Variants in SERBP1 observed in about 807,000 individuals in gnomAD.
SERBP1 encodes the protein SERPINE1 mRNA-binding protein 1.
In SERBP1, 6 loss-of-function variants were observed where a neutral mutation model predicts 50.2. That is an observed-to-expected ratio of 0.12 (90% CI 0.07 to 0.24). The LOEUF (loss-of-function observed/expected upper bound fraction) is 0.24. SERBP1 is among the 10% of genes least tolerant of loss of function. The probability of loss-of-function intolerance (pLI) is 1.00; values close to 1 mark genes in which losing one functional copy is unlikely to be tolerated. For missense variants in SERBP1, 346 were observed against 524.9 expected, an observed-to-expected ratio of 0.66 and a Z score of 3.33; for synonymous variants, 168 against 182.8, an observed-to-expected ratio of 0.92 and a Z score of 0.65.
In SERBP1 at chr1:67,426,191, T is replaced by C. The variant is rs1667371068; in HGVS notation, c.408A>G (p.Arg136=). The C allele has an allele frequency of 6.2e-7, 1 of 1,609,270 alleles. No individual in the cohort carries two copies. The highest frequency in any genetic ancestry group is 1.1e-5 in the South Asian group (1 of 90,084). The change falls in exon 2 of 8, where the codon CGA becomes CGG. Residue 136 remains arginine, a synonymous_variant. Coordinates refer to ENST00000361219, the MANE Select transcript of SERBP1 (RefSeq NM_001018069.2). The part of the protein sequence containing the change: ...RRPERRPPRE[R]RFEKPLEEKG... ...TTTCTTCAAGTGGCTTTTCGAATCT[T>C]CGTTCACGAGGTGGTCGCCTTTCTG...
At chr1:67,419,026 C>T (rs1292837624) in intron 6 of SERBP1, among the ~76,000 whole-genome samples, 1 of 152,290 alleles carries the variant, frequency 6.6e-6, no homozygotes, top group South Asian at 2.1e-4. Context: ...TCTAAGAACA[C>T]ACCCCAAAGC....
intron 4 of SERBP1, 85 bp from the exon 5 acceptor site, chr1:67,424,362 T>A: frequency 1.3e-6 from 2 of 1,540,124 alleles, no homozygotes; most frequent in Non-Finnish European, 1.7e-6. Flanking sequence ...TAGGTCCATT[T>A]ACATGTAGCT....
chr1:67,419,796 A>G (rs924940980), intron 6 of SERBP1: 8 of 544,762 alleles, frequency 1.5e-5, no homozygotes, highest in South Asian at 9.3e-5. Context: ...ACTCTACCAC[A>G]TAAAACATAA....
chr1:67,426,948 C>A (rs1667405556), intron 1 of SERBP1, among the ~76,000 whole-genome samples: 1 of 152,134 alleles, frequency 6.6e-6, no homozygotes, highest in Non-Finnish European at 1.5e-5. Flanking sequence ...ATCTTTTGGT[C>A]TTCTTAGCTA....
At chr1:67,427,999 A>C (rs1667444471) in intron 1 of SERBP1, among the ~76,000 whole-genome samples, 1 of 152,236 alleles carries the variant, frequency 6.6e-6, no homozygotes, top group Admixed American at 6.5e-5. Context: ...AAGTATGTCA[A>C]GTATTATGTC....
Position 67,415,349 on chromosome 1 carries a change from T to A in SERBP1, c.952-10A>T. On this transcript the variant is annotated splice_polypyrimidine_tract_variant and intron_variant, in intron 6 of 7. Transcript: ENST00000361219. Reference sequence around the variant, plus strand: ...AATCTTCAGCATGAGCCTAAAAATATAAGTGAAGATGATTGTGTTATTAGT... The same window carrying A: ...AATCTTCAGCATGAGCCTAAAAATAAAAGTGAAGATGATTGTGTTATTAGT... 1 of 1,558,750 alleles carries A rather than the reference T, an allele frequency of 6.4e-7. No homozygotes were observed. The highest frequency in any genetic ancestry group is 1.2e-5 in the South Asian group (1 of 82,876).
rs376260442 is a variant in SERBP1 at position 67,424,830 on chromosome 1, G to A, written c.695+58C>T. 56 of 1,267,660 alleles carry A rather than the reference G, an allele frequency of 4.4e-5. No homozygotes were observed. The East Asian group carries it at 5.3e-4, about 12-fold the overall frequency. 78.5% of individuals were successfully genotyped at this position (1,267,660 alleles called of 1,614,324 possible). ...TCTCAGAGACAAGTAAAATTTGACA[G>A]AGGTATGGATTAACCTCTAGTTAGG... On this transcript the variant is annotated intron_variant, in intron 4 of 7. Transcript: ENST00000361219.
At chr1:67,418,331 C>T (rs1044744459) in intron 6 of SERBP1, among the ~76,000 whole-genome samples, 2 of 152,072 alleles carry the variant, frequency 1.3e-5, no homozygotes, top group Non-Finnish European at 2.9e-5. Context: ...AAGACAATGT[C>T]CTCATTTACT....
chr1:67,424,429 A>C (rs1033748106), intron 4 of SERBP1, 152 bp from the exon 5 acceptor site: 22 of 939,386 alleles, frequency 2.3e-5, no homozygotes, highest in Non-Finnish European at 3.3e-5. Context: ...CTCCTTTCTT[A>C]CTAAATATAC....
intron 5 of SERBP1, among the ~76,000 whole-genome samples, chr1:67,421,836 C>G (rs1324244809): frequency 6.6e-6 from 1 of 152,108 alleles, no homozygotes; most frequent in Non-Finnish European, 1.5e-5. Flanking sequence ...TGCCTGTAGT[C>G]CCAGTACTCG....
At chr1:67,427,090 GGA>G (rs1198817774) in intron 1 of SERBP1, among the ~76,000 whole-genome samples, 2 of 152,126 alleles carry the variant, frequency 1.3e-5, no homozygotes, top group African/African-American at 2.4e-5. Context: ...TATTATGCAT[GGA>G]GAGAGTCCTC....
chr1:67,415,311 T>C lies in SERBP1; in HGVS notation c.980A>G (p.His327Arg), dbSNP rs892801880. ...ATCATTTGCTGGCTTCCGGAAATGA[T>C]GGTCCATAACCGAATCTTCAGCATG... Reference protein sequence around the residue: ...EAHAEDSVMDHHFRKPANDIT... With the variant: ...EAHAEDSVMDRHFRKPANDIT... Residue 327 changes from histidine to arginine, a missense_variant, in exon 7 of 8, where the codon CAT (histidine) becomes CGT (arginine). This residue lies in a region of SERBP1 where 68 missense variants were observed against 97.3 expected (regional missense o/e 0.70). Transcript: ENST00000361219. The C allele has an allele frequency of 1.2e-6, 2 of 1,609,738 alleles. No homozygotes were observed. Among genetic ancestry groups the C allele is most frequent in the Non-Finnish European group, 1.7e-6 (2 of 1,178,086 alleles).
rs1404925986 is a variant in SERBP1 at position 67,430,179 on chromosome 1, G to A, written c.122C>T (p.Ala41Val). ...AGGGCCCCCAACGCCGCCCCCGCCG[G>A]CTTCTTTTTTCTTGTTCTCTGCTGC... ...LKAAENKKKEAGGGGVGGPGA... is the reference protein window; with the variant it reads ...LKAAENKKKEVGGGGVGGPGA... Residue 41 changes from alanine (A) to valine (V), a missense_variant, in exon 1 of 8, where the codon GCC (alanine) becomes GTC (valine). Ala to Val is a moderately conservative substitution (Grantham distance 64, BLOSUM62 0). Coordinates refer to ENST00000361219, the MANE Select transcript of SERBP1 (RefSeq NM_001018069.2). The A allele has an allele frequency of 5.0e-6, 8 of 1,610,630 alleles. No individual in the cohort carries two copies. The highest frequency in any genetic ancestry group is 6.8e-6 in the Non-Finnish European group (8 of 1,179,584).
intron 1 of SERBP1, 47 bp downstream of exon 1, chr1:67,429,941 C>T: frequency 2.0e-6 from 3 of 1,526,246 alleles, no homozygotes; most frequent in South Asian, 1.3e-5. Context: ...AGCCCCCTCG[C>T]TCCTTCCCTC....
intron 4 of SERBP1, 83 bp from the exon 5 acceptor site, chr1:67,424,360 T>C (rs1557506223): frequency 1.3e-6 from 2 of 1,547,168 alleles, no homozygotes; most frequent in East Asian, 2.3e-5. Flanking sequence ...TCTAGGTCCA[T>C]TTACATGTAG....
At chr1:67,429,695 C>A (rs1667505513) in intron 1 of SERBP1, 3 of 314,330 alleles carry the variant, frequency 9.5e-6, no homozygotes, top group Non-Finnish European at 1.8e-5. Flanking sequence ...CAACAGCCTC[C>A]CAGGACCTCG....
chr1:67,428,505 T>G (rs1667459864), intron 1 of SERBP1, among the ~76,000 whole-genome samples: 1 of 152,214 alleles, frequency 6.6e-6, no homozygotes, highest in Non-Finnish European at 1.5e-5. Context: ...GTTTAAATAA[T>G]TACACAAGTC....
chr1:67,415,201 C>T lies in SERBP1; in HGVS notation c.1090G>A (p.Gly364Ser). 2 of 1,606,454 alleles carry T rather than the reference C, an allele frequency of 1.2e-6. No individual in the cohort carries two copies. Among genetic ancestry groups the T allele is most frequent in the East Asian group, 2.2e-5 (1 of 44,646 alleles). Residue 364 changes from glycine (G) to serine (S), a missense_variant, in exon 7 of 8, where the codon GGT becomes AGT. This residue lies in a region of SERBP1 where 68 missense variants were observed against 97.3 expected (regional missense o/e 0.70). Transcript: ENST00000361219. The part of the protein sequence containing the change: ...GRGGRGGRGR[G>S]GRPNRGSRTD... ...CTGCTGCCACGGTTTGGGCGCCCAC[C>T]ACGCCCACGTCCACCTCGTCCTCCC...
chr1:67,425,028 T>C (rs770696041), intron 3 of SERBP1, 51 bp from the exon 4 acceptor site: 2 of 1,599,708 alleles, frequency 1.3e-6, no homozygotes, highest in African/African-American at 1.4e-5. Flanking sequence ...AATTCAAAGT[T>C]TGTTTATTAA....
Sources: gnomAD v4.1 joint callset for allele counts (sites outside exome capture counted in the v4.1 genomes callset) on GRCh38, gnomAD v4.1.1 for gene constraint, gnomAD v4.1.1 regional missense constraint, MANE v1.5 for transcripts, NCBI Gene and HGNC (gene_info 2026-07-23, HGNC 2026-07-21) for gene names.